The following ITPR2 variants were observed in gnomAD, a reference collection of about 807,000 sequenced individuals.
ITPR2 encodes the protein inositol 1,4,5-trisphosphate-gated calcium channel ITPR2.
Under a neutral mutation model 317.1 loss-of-function variants are expected in ITPR2, and 207 were observed. That is an observed-to-expected ratio of 0.65 (90% CI 0.58 to 0.73). The LOEUF (loss-of-function observed/expected upper bound fraction) is 0.73, where lower values mean the gene tolerates loss of function less well. Among genes scored for constraint, ITPR2 ranks in the 30% least tolerant of loss-of-function variants. The pLI is 0.00. For missense variants in ITPR2, 2,613 were observed against 3,284.0 expected (o/e 0.80, Z 4.99); for synonymous variants, 1,156 against 1,149.1 (o/e 1.01, Z -0.12).
At chr12:26,490,767 C>T (rs1454955216) in intron 39 of ITPR2, among the ~76,000 whole-genome samples, 6 of 152,312 alleles carry the variant, frequency 3.9e-5, no homozygotes, top group African/African-American at 9.6e-5. Context: ...GAGCCGCTAT[C>T]GCGCCATTGC....
At chr12:26,741,565 G>A (rs572248436) in intron 2 of ITPR2, among the ~76,000 whole-genome samples, 1 of 152,238 alleles carries the variant, frequency 6.6e-6, no homozygotes, top group East Asian at 1.9e-4. Context: ...AAAAGTCAAG[G>A]CATTACAAAG....
At position 26,686,569 on chromosome 12, in the gene ITPR2, A is replaced by C; in HGVS notation, c.1060T>G (p.Leu354Val). ...TCATTGCCATGCGGGACTGAAACCAAAGTATACATGATCTTCTCCCCTGCC... is the reference window on the plus strand; with the variant it reads ...TCATTGCCATGCGGGACTGAAACCACAGTATACATGATCTTCTCCCCTGCC... ...RQAGEKIMYT[L>V]VSVPHGNDIA... Residue 354 changes from leucine to valine, a missense_variant, in exon 11 of 57, where the codon TTG (leucine) becomes GTG (valine). Transcript: ENST00000381340. 6.2e-7 allele frequency: 1 copy of C among 1,613,048 alleles called. No individual in the cohort carries two copies. Among genetic ancestry groups the C allele is most frequent in the Non-Finnish European group, 8.5e-7 (1 of 1,179,382 alleles).
intron 2 of ITPR2, among the ~76,000 whole-genome samples, chr12:26,783,643 C>T (rs1950135745): frequency 1.3e-5 from 2 of 152,064 alleles, no homozygotes; most frequent in South Asian, 4.2e-4. Flanking sequence ...AAATAACTGC[C>T]TTTATTAAAG....
intron 5 of ITPR2, among the ~76,000 whole-genome samples, chr12:26,720,026 T>C (rs1356628249): frequency 6.6e-6 from 1 of 152,206 alleles, no homozygotes; most frequent in Non-Finnish European, 1.5e-5. Context: ...TTATGTTCTC[T>C]GCTCATAGCT....
intron 35 of ITPR2, among the ~76,000 whole-genome samples, chr12:26,560,584 A>G (rs1944789293): frequency 6.6e-6 from 1 of 152,108 alleles, no homozygotes; most frequent in African/African-American, 2.4e-5. Context: ...CCCTGCCTTC[A>G]TTATTATCTG....
rs145825835 is a variant in ITPR2, at chr12:26,796,756, G to A, written c.93-6529C>T. 7.3e-3 allele frequency among the ~76,000 whole-genome samples: 1,105 copies of A among 152,284 alleles called. 18 individuals are homozygous for A. Among genetic ancestry groups the A allele is most frequent in the African/African-American group, 0.025 (1,024 of 41,554 alleles). ...TAAAGAAGTTATGACTAGGCCAGGC[G>A]TGGCAGCTCACACCTGTAATCCCAG... On this transcript the variant is annotated intron_variant, in intron 1 of 56. Coordinates refer to ENST00000381340, the MANE Select transcript of ITPR2 (RefSeq NM_002223.4).
In ITPR2 at chr12:26,832,753, T is replaced by C. The variant is rs1951138224; in HGVS notation, c.29A>G (p.Tyr10Cys). MTEKMSSFL[Y>C]IGDIVSLYAE... is the part of the protein sequence containing the mutation. ...GTACAGGGACACGATGTCCCCTATGTAGAGGAAGCTGGACATTTTCTCAGT... is the reference window on the plus strand; with the variant it reads ...GTACAGGGACACGATGTCCCCTATGCAGAGGAAGCTGGACATTTTCTCAGT... Residue 10 changes from tyrosine (Y) to cysteine (C), a missense_variant, in exon 1 of 57, where the codon TAC (tyrosine) becomes TGC (cysteine). By Grantham distance (194) the Tyr-to-Cys change is radical (BLOSUM62 -2). Coordinates refer to ENST00000381340, the MANE Select transcript of ITPR2 (RefSeq NM_002223.4). The C allele has an allele frequency of 6.2e-7, 1 of 1,603,076 alleles. No homozygotes were observed. The highest frequency in any genetic ancestry group is 8.5e-7 in the Non-Finnish European group (1 of 1,175,388).
chr12:26,561,328 C>T (rs2137028367), intron 35 of ITPR2, among the ~76,000 whole-genome samples: 1 of 152,306 alleles, frequency 6.6e-6, no homozygotes, highest in Admixed American at 6.5e-5. Flanking sequence ...AACAGCAGCC[C>T]TGGCAAACTA....
Position 26,362,811 on chromosome 12 carries a change from A to T in ITPR2, c.7858-22483T>A, listed in dbSNP as rs576843123. On this transcript the variant is annotated intron_variant, in intron 55 of 56. Transcript: ENST00000381340. ...CCTAGAACCTTCACACTCCCTCATCACCTCTTCCTAGTGTAGCTGAAAGAA... is the reference window on the plus strand; with the variant it reads ...CCTAGAACCTTCACACTCCCTCATCTCCTCTTCCTAGTGTAGCTGAAAGAA... Among the ~76,000 whole-genome samples, 16 of 152,120 alleles carry T rather than the reference A, an allele frequency of 1.1e-4. No individual in the cohort carries two copies. In the South Asian group the frequency reaches 3.3e-3, roughly 32 times the overall value.
chr12:26,464,123 G>A (rs1317651298), intron 45 of ITPR2, among the ~76,000 whole-genome samples: 1 of 152,060 alleles, frequency 6.6e-6, no homozygotes, highest in East Asian at 1.9e-4. Context: ...AACCTTTTTG[G>A]CACCAGGGAT....
In ITPR2 at chr12:26,475,381, TC is replaced by T; in HGVS notation, c.6256del (p.Glu2086AsnfsTer54). On this transcript the variant is annotated frameshift_variant, in exon 45 of 57. Coordinates refer to ENST00000381340, the MANE Select transcript of ITPR2 (RefSeq NM_002223.4). LOFTEE classifies it high-confidence loss of function. Reference sequence around the variant, plus strand: ...ACCCTCATCATCCCCATGGTCACATTCCAATCCTTGGTTATAGGCATTCTTC... The same window carrying T: ...ACCCTCATCATCCCCATGGTCACATTCAATCCTTGGTTATAGGCATTCTTC... ...VMKNAYNQGLECDHGDDEGGD... is the reference protein window; with the variant it reads ...VMKNAYNQGLXCDHGDDEGGD... 5 of 1,613,594 alleles carry T rather than the reference TC, an allele frequency of 3.1e-6. No individual in the cohort carries two copies. The highest frequency in any genetic ancestry group is 4.2e-6 in the Non-Finnish European group (5 of 1,179,808).
intron 2 of ITPR2, among the ~76,000 whole-genome samples, chr12:26,760,695 T>C (rs1380346500): frequency 6.6e-6 from 1 of 152,196 alleles, no homozygotes; most frequent in Admixed American, 6.5e-5. Flanking sequence ...CATATTATTA[T>C]CTGTGTTCTG....
chr12:26,567,685 G>A (rs1331388620), intron 34 of ITPR2, among the ~76,000 whole-genome samples: 3 of 151,020 alleles, frequency 2.0e-5, no homozygotes, highest in African/African-American at 7.3e-5. Context: ...AGATATGGTC[G>A]GAAATAAATT....
chr12:26,810,107 G>A (rs764909228), intron 1 of ITPR2, among the ~76,000 whole-genome samples: 43 of 152,254 alleles, frequency 2.8e-4, no homozygotes, highest in Non-Finnish European at 5.4e-4. Context: ...AATAACTTTC[G>A]CAATCTCACT....
At chr12:26,428,649 T>C (rs929231220) in intron 48 of ITPR2, among the ~76,000 whole-genome samples, 2 of 152,218 alleles carry the variant, frequency 1.3e-5, no homozygotes, top group East Asian at 1.9e-4. Context: ...CCAACTCTAC[T>C]GCTAAATAAA....
intron 3 of ITPR2, 59 bp from the exon 4 acceptor site, chr12:26,724,801 G>C: frequency 1.6e-6 from 2 of 1,248,968 alleles, no homozygotes; most frequent in Non-Finnish European, 2.3e-6. Context: ...TGTAATAACT[G>C]ACAAAGAAAT....
In ITPR2 at chr12:26,520,185, C is replaced by T. The variant is rs192307471; in HGVS notation, c.5074-24925G>A. Among the ~76,000 whole-genome samples, 25 of 152,286 alleles carry T rather than the reference C, an allele frequency of 1.6e-4. No homozygotes were observed. The East Asian group carries it at 4.8e-3, about 29-fold the overall frequency. ...AAACATACCAGTTATTGAGCTGTTG[C>T]CTCTCAGCTCCAAACTCCCCCTTGT... On this transcript the variant is annotated intron_variant, in intron 37 of 56. Coordinates refer to ENST00000381340, the MANE Select transcript of ITPR2 (RefSeq NM_002223.4).
chr12:26,591,133 A>T (rs1260742005), intron 32 of ITPR2, among the ~76,000 whole-genome samples: 1 of 151,926 alleles, frequency 6.6e-6, no homozygotes, highest in Non-Finnish European at 1.5e-5. Flanking sequence ...AACAATCAAC[A>T]AAGTAAAGAG....
chr12:26,507,088 A>G (rs1388639728), intron 37 of ITPR2, among the ~76,000 whole-genome samples: 1 of 152,194 alleles, frequency 6.6e-6, no homozygotes, highest in Non-Finnish European at 1.5e-5. Context: ...GAGGCCACAT[A>G]TTTGGCCTAC....
Sources: allele counts gnomAD v4.1 joint callset (sites outside exome capture counted in the v4.1 genomes callset), GRCh38; gene constraint gnomAD v4.1.1; transcripts MANE v1.5; gene names NCBI Gene and HGNC (gene_info 2026-07-23, HGNC 2026-07-21).